MLPH: variants seen among roughly 807,000 people sequenced by gnomAD.
The protein encoded by MLPH is melanophilin.
In MLPH, 51 loss-of-function variants were observed where a neutral mutation model predicts 72.1. The ratio of observed to expected loss-of-function variants is 0.71; its 90% CI spans 0.56 to 0.89. The LOEUF (loss-of-function observed/expected upper bound fraction) is 0.89, where lower values mean the gene tolerates loss of function less well. MLPH is among the 40% of genes least tolerant of loss of function. The pLI is 0.00. For missense variants in MLPH, 743 were observed against 759.9 expected, an observed-to-expected ratio of 0.98 and a Z score of 0.26; for synonymous variants, 301 against 310.1, an observed-to-expected ratio of 0.97 and a Z score of 0.31.
chr2:237,499,894 A>C (rs1022811844), intron 2 of MLPH, among the ~76,000 whole-genome samples: 4 of 152,044 alleles, frequency 2.6e-5, no homozygotes, highest in Non-Finnish European at 4.4e-5. Flanking sequence ...ACAGGCATGC[A>C]TCACCACACC....
Position 237,545,340 on chromosome 2 carries a change from GC to G in MLPH, c.1540-1260del, listed in dbSNP as rs895054818. 5.8e-5 allele frequency: 49 copies of G among 838,670 alleles called. No homozygotes were observed. The African/African-American group carries it at 6.4e-4, about 11-fold the overall frequency. 52.0% of individuals were successfully genotyped at this position (838,670 alleles called of 1,614,324 possible). On this transcript the variant is annotated intron_variant, in intron 12 of 15. Transcript: ENST00000264605. ...CGTGGGCCTGACAGCAGGATCCTGG[GC>G]CCCCCACCTCCCTTCCCGTGAACAT...
chr2:237,506,406 T>C (rs1040687462), intron 2 of MLPH, among the ~76,000 whole-genome samples: 3 of 152,136 alleles, frequency 2.0e-5, no homozygotes, highest in Admixed American at 2.0e-4. Flanking sequence ...GACACCGAAT[T>C]GTAGAAGGAA....
intron 12 of MLPH, among the ~76,000 whole-genome samples, chr2:237,543,143 TA>T (rs1175914843): frequency 6.3e-5 from 1 of 15,772 alleles, no homozygotes; most frequent in African/African-American, 5.1e-4. Context: ...CAGTAGTGAG[TA>T]GGGGGACAGT....
intron 1 of MLPH, among the ~76,000 whole-genome samples, chr2:237,488,049 C>T (rs1037884365): frequency 2.6e-4 from 39 of 152,200 alleles, no homozygotes; most frequent in African/African-American, 9.2e-4. Flanking sequence ...CAAGTCCCTA[C>T]AGGAACGGAA....
At position 237,541,052 on chromosome 2, in the gene MLPH, G is replaced by T; in HGVS notation, c.1446+95G>T. 1 of 1,468,740 alleles carries T rather than the reference G, an allele frequency of 6.8e-7. No individual in the cohort carries two copies. The highest frequency in any genetic ancestry group is 2.0e-5 in the Admixed American group (1 of 50,888). 91.0% of individuals were successfully genotyped at this position (1,468,740 alleles called of 1,614,324 possible). On this transcript the variant is annotated intron_variant, in intron 11 of 15. Coordinates refer to ENST00000264605, the MANE Select transcript of MLPH (RefSeq NM_024101.7). This position sits in a 1 kb window ranked among gnomAD's most constrained non-coding sequence, Gnocchi z 5.1. ...CATCTGCCAGCTCTAACATCCGCCA[G>T]CTCACACTGAGCCCTCCCCATTGGC...
chr2:237,536,369 T>A (rs1381651494), intron 9 of MLPH, among the ~76,000 whole-genome samples: 1 of 152,200 alleles, frequency 6.6e-6, no homozygotes, highest in Non-Finnish European at 1.5e-5. Flanking sequence ...AGGCTGACCA[T>A]GTGCCATAAT....
At chr2:237,547,711 T>C (rs6752745) in intron 13 of MLPH, among the ~76,000 whole-genome samples, 163 of 64,264 alleles carry the variant, frequency 2.5e-3, no homozygotes, top group South Asian at 5.8e-3. Context: ...TCCCCGTGTT[T>C]AGGTGGAGTG....
At chr2:237,552,150 C>A (rs1361870089) in intron 14 of MLPH, 187 bp from the exon 15 acceptor site, 3 of 567,598 alleles carry the variant, frequency 5.3e-6, no homozygotes, top group Non-Finnish European at 9.5e-6. Context: ...AAGAAGTTGG[C>A]AAAACTGTTG....
intron 2 of MLPH, among the ~76,000 whole-genome samples, chr2:237,500,829 C>CA (rs1321106124): frequency 6.6e-6 from 1 of 152,094 alleles, no homozygotes; most frequent in African/African-American, 2.4e-5. Flanking sequence ...AGCCACTGCT[C>CA]ACCGCCCTCA....
At chr2:237,546,247 C>T (rs1220556263) in intron 12 of MLPH, among the ~76,000 whole-genome samples, 2 of 152,188 alleles carry the variant, frequency 1.3e-5, no homozygotes, top group Non-Finnish European at 2.9e-5. Flanking sequence ...AGGAAGCAAT[C>T]AGCTATGCAG....
In MLPH at chr2:237,505,851, T is replaced by C. The variant is rs538492724; in HGVS notation, c.111-4723T>C. Among the ~76,000 whole-genome samples, 148 of 152,338 alleles carry C rather than the reference T, an allele frequency of 9.7e-4. No homozygotes were observed. Among genetic ancestry groups the C allele is most frequent in the African/African-American group, 3.5e-3 (144 of 41,572 alleles). On this transcript the variant is annotated intron_variant, in intron 2 of 15. Transcript: ENST00000264605. This position sits in a 1 kb window ranked among gnomAD's most constrained non-coding sequence, Gnocchi z 4.5. ...ACCAGTCACAGCTCTGGCATGCGTGTCCCAGGGCCCTCTGGAGGTGGGACT... is the reference window on the plus strand; with the variant it reads ...ACCAGTCACAGCTCTGGCATGCGTGCCCCAGGGCCCTCTGGAGGTGGGACT...
Position 237,498,521 on chromosome 2 carries a change from G to A in MLPH, c.110+4985G>A, listed in dbSNP as rs191698994. Among the ~76,000 whole-genome samples, 437 of 152,326 alleles carry A rather than the reference G, an allele frequency of 2.9e-3. 3 individuals are homozygous for A. The highest frequency in any genetic ancestry group is 4.4e-3 in the Admixed American group (68 of 15,304). On this transcript the variant is annotated intron_variant, in intron 2 of 15. Coordinates refer to ENST00000264605, the MANE Select transcript of MLPH (RefSeq NM_024101.7). ...CTGAGACCCCCATGAGCAGCATCCT[G>A]TCCCCAAGCCACGGAAGCTCCTGCT...
chr2:237,553,523 G>A (rs374630755), intron 15 of MLPH, 43 bp from the exon 16 acceptor site: 12 of 1,592,880 alleles, frequency 7.5e-6, no homozygotes, highest in Admixed American at 6.7e-5. Flanking sequence ...ACATGCCTGT[G>A]TATGTGTGTG....
chr2:237,512,536 C>T lies in MLPH; in HGVS notation c.445+1435C>T, dbSNP rs978325607. ...AACAACAGATGTGACTAGGAACGGC[C>T]GGTGACATGGGGAGGGCCTATCACC... On this transcript the variant is annotated intron_variant, in intron 4 of 15. Transcript: ENST00000264605. This position sits in a 1 kb window ranked among gnomAD's most constrained non-coding sequence, Gnocchi z 5.5. 6.3e-4 allele frequency among the ~76,000 whole-genome samples: 96 copies of T among 152,014 alleles called. No individual in the cohort carries two copies. The highest frequency in any genetic ancestry group is 2.2e-3 in the African/African-American group (91 of 41,374).
At chr2:237,486,435 C>CCGGG (rs1472208438), upstream of MLPH, 1 of 152,316 alleles carries the variant, frequency 6.6e-6, no homozygotes, top group Non-Finnish European at 1.5e-5. Context: ...GACAGGCAGG[C>CCGGG]CGGGCGGACT....
chr2:237,499,846 G>A (rs1386246358), intron 2 of MLPH, among the ~76,000 whole-genome samples: 1 of 152,058 alleles, frequency 6.6e-6, no homozygotes, highest in Non-Finnish European at 1.5e-5. Flanking sequence ...CCAGGCTCAA[G>A]TAACCCTCCC....
chr2:237,487,250 C>A (rs2079333497), upstream of MLPH: 1 of 152,278 alleles, frequency 6.6e-6, no homozygotes, highest in Admixed American at 6.5e-5. Flanking sequence ...GGGACGTGGC[C>A]AGTTGCCCGC....
intron 13 of MLPH, among the ~76,000 whole-genome samples, chr2:237,547,031 C>G (rs1203344731): frequency 6.6e-6 from 1 of 152,246 alleles, no homozygotes; most frequent in East Asian, 1.9e-4. Context: ...CTGGAGACCA[C>G]GCAGATCACA....
At chr2:237,506,398 C>T (rs1462640692) in intron 2 of MLPH, among the ~76,000 whole-genome samples, 4 of 152,192 alleles carry the variant, frequency 2.6e-5, no homozygotes, top group African/African-American at 7.2e-5. Context: ...ACTCCTCAGA[C>T]ACCGAATTGT....
Sources: gnomAD v4.1 joint callset for allele counts (sites outside exome capture counted in the v4.1 genomes callset) on GRCh38, gnomAD v4.1.1 for gene constraint, Gnocchi (gnomAD v3.1) non-coding constraint, MANE v1.5 for transcripts, NCBI Gene and HGNC (gene_info 2026-07-23, HGNC 2026-07-21) for gene names.